The following CWF19L2 variants were observed in gnomAD, a reference collection of about 807,000 sequenced individuals.
CWF19L2 encodes the protein CWF19 like cell cycle control factor 2.
CWF19L2 carries 98 observed loss-of-function variants against 111.7 expected under a neutral mutation model. That is an observed-to-expected ratio of 0.88 (90% CI 0.75 to 1.04). The LOEUF (loss-of-function observed/expected upper bound fraction) is 1.04. CWF19L2 is among the 50% of genes least tolerant of loss of function. The probability of loss-of-function intolerance (pLI) is 0.00; values close to 1 mark genes in which losing one functional copy is unlikely to be tolerated. For missense variants in CWF19L2, 1,101 were observed against 1,051.4 expected, an observed-to-expected ratio of 1.05 and a Z score of -0.65; for synonymous variants, 351 against 342.9, an observed-to-expected ratio of 1.02 and a Z score of -0.26.
chr11:107,401,786 G>A (rs1861003593), intron 10 of CWF19L2, among the ~76,000 whole-genome samples: 1 of 152,052 alleles, frequency 6.6e-6, no homozygotes, highest in South Asian at 2.1e-4. Context: ...GCAAGGCTAA[G>A]AAAAAGAACA....
At chr11:107,411,089 G>GCACACACACACA (rs146846176) in intron 10 of CWF19L2, among the ~76,000 whole-genome samples, 2,304 of 148,768 alleles carry the variant, frequency 0.015, 56 homozygotes, top group African/African-American at 0.052. Flanking sequence ...GCGCGTGCGT[G>GCACACACACACA]CACACACACA....
intron 1 of CWF19L2, among the ~76,000 whole-genome samples, 154 bp downstream of exon 1, chr11:107,457,558 A>G (rs1293495884): frequency 6.6e-6 from 1 of 152,236 alleles, no homozygotes; most frequent in African/African-American, 2.4e-5. Context: ...CGGTAGCTAC[A>G]AAAGGGTTTA....
At chr11:107,435,554 G>A (rs1329581914) in intron 6 of CWF19L2, among the ~76,000 whole-genome samples, 1 of 151,820 alleles carries the variant, frequency 6.6e-6, no homozygotes, top group African/African-American at 2.4e-5. Context: ...CATTTATGAA[G>A]GAAATCCAAT....
At chr11:107,328,470 C>T (rs987654316) in intron 17 of CWF19L2, among the ~76,000 whole-genome samples, 6 of 152,174 alleles carry the variant, frequency 3.9e-5, no homozygotes, top group Admixed American at 3.9e-4. Context: ...TCTTCTTGCT[C>T]TCTGAACAAC....
At chr11:107,331,066 A>T (rs1174513879) in intron 16 of CWF19L2, among the ~76,000 whole-genome samples, 1 of 152,210 alleles carries the variant, frequency 6.6e-6, no homozygotes, top group Non-Finnish European at 1.5e-5. Context: ...AAATCTGTTC[A>T]CGAAATAGTA....
rs536726754 is a variant in CWF19L2, at chr11:107,454,631, G to A, written c.217-59C>T. The A allele has an allele frequency of 6.9e-6, 8 of 1,161,130 alleles. No individual in the cohort carries two copies. The South Asian group carries it at 2.2e-4, about 32-fold the overall frequency. 71.9% of individuals were successfully genotyped at this position (1,161,130 alleles called of 1,614,324 possible). A position where few individuals can be genotyped will look rare whatever the true frequency, so the allele number is the denominator to read the frequency against. On this transcript the variant is annotated intron_variant, in intron 2 of 17. Coordinates refer to ENST00000282251, the MANE Select transcript of CWF19L2 (RefSeq NM_152434.3). ...TAATTTCATCTTAATTTAAAAGGAT[G>A]TATTCTGAGAGAAAAAAAATAAACC...
At chr11:107,338,961 A>T (rs1343930529) in intron 14 of CWF19L2, among the ~76,000 whole-genome samples, 2 of 152,162 alleles carry the variant, frequency 1.3e-5, no homozygotes, top group Non-Finnish European at 2.9e-5. Flanking sequence ...GTCAAATGGT[A>T]TGCCTCTAGG....
chr11:107,391,641 T>G (rs1263280267), intron 11 of CWF19L2, among the ~76,000 whole-genome samples: 3 of 152,366 alleles, frequency 2.0e-5, no homozygotes, highest in Non-Finnish European at 2.9e-5. Flanking sequence ...AGAAAAATAC[T>G]GTTTATTTCC....
chr11:107,359,591 T>C (rs557211971), intron 12 of CWF19L2, among the ~76,000 whole-genome samples: 13 of 152,242 alleles, frequency 8.5e-5, no homozygotes, highest in African/African-American at 2.9e-4. Flanking sequence ...CTTTAGACTC[T>C]ACCGGTCTAG....
intron 8 of CWF19L2, among the ~76,000 whole-genome samples, chr11:107,428,281 T>C (rs1861408569): frequency 6.6e-6 from 1 of 152,148 alleles, no homozygotes. Context: ...CCAAAGTGGA[T>C]TATTTCTTTC....
chr11:107,431,801 C>A (rs1861468926), intron 7 of CWF19L2, among the ~76,000 whole-genome samples: 1 of 151,876 alleles, frequency 6.6e-6, no homozygotes, highest in South Asian at 2.1e-4. Flanking sequence ...AGGAACAGAC[C>A]CATGTATATG....
At chr11:107,371,966 C>A (rs1386277597) in intron 12 of CWF19L2, among the ~76,000 whole-genome samples, 1 of 137,036 alleles carries the variant, frequency 7.3e-6, no homozygotes, top group Non-Finnish European at 1.6e-5. Context: ...GTTGCAAAAT[C>A]AAAATCACAG....
chr11:107,367,189 G>A (rs1860442935), intron 12 of CWF19L2, among the ~76,000 whole-genome samples: 2 of 126,044 alleles, frequency 1.6e-5, no homozygotes, highest in Non-Finnish European at 1.7e-5. Context: ...AGGTGCTGGA[G>A]AGGATGTGGA....
At position 107,454,505 on chromosome 11, in the gene CWF19L2, T is replaced by C; in HGVS notation, c.284A>G (p.Lys95Arg). 4 of 1,484,122 alleles carry C rather than the reference T, an allele frequency of 2.7e-6. No individual in the cohort carries two copies. Among genetic ancestry groups the C allele is most frequent in the Non-Finnish European group, 3.6e-6 (4 of 1,121,808 alleles). 91.9% of individuals were successfully genotyped at this position (1,484,122 alleles called of 1,614,324 possible). A position where few individuals can be genotyped will look rare whatever the true frequency, so the allele number is the denominator to read the frequency against. The change falls in exon 3 of 18, where the codon AAA becomes AGA. Residue 95 changes from lysine to arginine, a missense_variant. Lys to Arg is a conservative substitution (Grantham distance 26, BLOSUM62 2). Coordinates refer to ENST00000282251, the MANE Select transcript of CWF19L2 (RefSeq NM_152434.3). Reference protein sequence around the residue: ...HSKKAKKEKKKKSKKQKYEKN... With the variant: ...HSKKAKKEKKRKSKKQKYEKN... ...TTCATATTTCTGTTTCTTGCTCTTT[T>C]TTTTCTTTTCTTTCTTTGCTTTTTT...
In CWF19L2 at chr11:107,336,715, TAAA is replaced by T. The variant is rs540909186; in HGVS notation, c.2203-5_2203-3del. 207 of 1,174,724 alleles carry T rather than the reference TAAA, an allele frequency of 1.8e-4. No individual in the cohort carries two copies. Among genetic ancestry groups the T allele is most frequent in the South Asian group, 1.3e-4 (8 of 59,952 alleles). 72.8% of individuals were successfully genotyped at this position (1,174,724 alleles called of 1,614,324 possible). A position where few individuals can be genotyped will look rare whatever the true frequency, so the allele number is the denominator to read the frequency against. ...CTTTACCAATGATTTTCTGAACATC[TAAA>T]AAAAAAAAAGAACTAGGTAAAGAAA... On this transcript the variant is annotated splice_polypyrimidine_tract_variant and splice_region_variant and intron_variant, in intron 14 of 17. Coordinates refer to ENST00000282251, the MANE Select transcript of CWF19L2 (RefSeq NM_152434.3).
intron 4 of CWF19L2, among the ~76,000 whole-genome samples, chr11:107,441,927 G>C (rs1861624135): frequency 6.6e-6 from 1 of 152,192 alleles, no homozygotes; most frequent in South Asian, 2.1e-4. Flanking sequence ...CTTAGTTCCT[G>C]TTCACCTTTC....
At chr11:107,334,766 G>A in intron 16 of CWF19L2, 115 bp downstream of exon 16, 1 of 721,700 alleles carries the variant, frequency 1.4e-6, no homozygotes, top group South Asian at 1.6e-5. Flanking sequence ...TGTCGAACTA[G>A]TAATTTCGCC....
chr11:107,379,771 G>T (rs1193856588), intron 12 of CWF19L2, among the ~76,000 whole-genome samples: 1 of 152,060 alleles, frequency 6.6e-6, no homozygotes, highest in African/African-American at 2.4e-5. Flanking sequence ...TTAAGAATCA[G>T]ATACTCAGCC....
chr11:107,435,723 G>GA (rs1161007790), intron 6 of CWF19L2, among the ~76,000 whole-genome samples: 1 of 151,258 alleles, frequency 6.6e-6, no homozygotes, highest in East Asian at 1.9e-4. Flanking sequence ...TTTTTGGTAA[G>GA]AAAAAAATCA....
Sources: gnomAD v4.1 joint callset for allele counts (sites outside exome capture counted in the v4.1 genomes callset) on GRCh38, gnomAD v4.1.1 for gene constraint, MANE v1.5 for transcripts, NCBI Gene and HGNC (gene_info 2026-07-23, HGNC 2026-07-21) for gene names.